The following SETD5 variants were observed in gnomAD, a reference collection of about 807,000 sequenced individuals.
The protein encoded by SETD5 is histone-lysine N-methyltransferase SETD5.
In SETD5, 44 loss-of-function variants were observed where a neutral mutation model predicts 153.3. The ratio of observed to expected loss-of-function variants is 0.29; its 90% confidence interval spans 0.23 to 0.37. SETD5 has a LOEUF of 0.37. Ranked by LOEUF, SETD5 falls within the 10% of genes least tolerant of loss-of-function variation. The pLI is 1.00. For missense variants in SETD5, 1,544 were observed against 1,768.0 expected, an observed-to-expected ratio of 0.87 and a Z score of 2.27; for synonymous variants, 716 against 645.2, an observed-to-expected ratio of 1.11 and a Z score of -1.66.
At chr3:9,450,692 T>G (rs554229662) in intron 16 of SETD5, among the ~76,000 whole-genome samples, 5 of 152,294 alleles carry the variant, frequency 3.3e-5, no homozygotes, top group African/African-American at 9.6e-5. Context: ...AGAGTATAAG[T>G]TAATCAGATA....
chr3:9,425,051 G>GTTTTTTTTTTTTTT (rs1559380190), intron 2 of SETD5, among the ~76,000 whole-genome samples: 60 of 91,392 alleles, frequency 6.6e-4, no homozygotes, highest in African/African-American at 3.0e-3. Flanking sequence ...TACCGACAAT[G>GTTTTTTTTTTTTTT]TTTCTTTTTT....
rs745472041 is a variant in SETD5, at chr3:9,476,572, G to T, written c.*481G>T. 4 of 154,938 alleles carry T rather than the reference G, an allele frequency of 2.6e-5. No individual in the cohort carries two copies. The highest frequency in any genetic ancestry group is 7.2e-5 in the African/African-American group (3 of 41,394). 9.6% of individuals were successfully genotyped at this position (154,938 alleles called of 1,614,324 possible). A position where few individuals can be genotyped will look rare whatever the true frequency, so the allele number is the denominator to read the frequency against. On this transcript the variant is annotated 3_prime_UTR_variant, in exon 23 of 23. Coordinates refer to ENST00000402198, the MANE Select transcript of SETD5 (RefSeq NM_001080517.3). ...TTTATGCACTTAAGAAAAAAGGTAGGTATGTAAATGTTCATCCTAAGACAA... is the reference window on the plus strand; with the variant it reads ...TTTATGCACTTAAGAAAAAAGGTAGTTATGTAAATGTTCATCCTAAGACAA...
intron 17 of SETD5, among the ~76,000 whole-genome samples, chr3:9,459,562 A>C (rs1464656728): frequency 6.6e-6 from 1 of 151,740 alleles, no homozygotes; most frequent in Non-Finnish European, 1.5e-5. Flanking sequence ...CGAGGTCAGG[A>C]GATCCAGACC....
At chr3:9,459,546 G>A (rs988764310) in intron 17 of SETD5, among the ~76,000 whole-genome samples, 7 of 151,320 alleles carry the variant, frequency 4.6e-5, no homozygotes, top group South Asian at 2.1e-4. Flanking sequence ...CGAGGCAGGC[G>A]GATCACGAGG....
chr3:9,461,735 T>G (rs918610701), intron 17 of SETD5, among the ~76,000 whole-genome samples: 1 of 152,200 alleles, frequency 6.6e-6, no homozygotes, highest in Admixed American at 6.5e-5. Context: ...GTGGCAGATT[T>G]CACCTGTATC....
rs773543082 is a variant in SETD5 at position 9,475,692 on chromosome 3, G to A, written c.3930G>A (p.Ser1310=). Residue 1310 remains serine (S), a synonymous_variant, in exon 23 of 23, where the codon TCG becomes TCA. Transcript: ENST00000402198. ...CCGCCCACCCTGTGTCCACAGACTC[G>A]TTGGCCCCATTTACGGGGACACCAG... ...SSPAHPVSTD[S]LAPFTGTPGY... is the part of the protein sequence containing the mutation. 6 of 1,613,812 alleles carry A rather than the reference G, an allele frequency of 3.7e-6. No individual in the cohort carries two copies. The highest frequency in any genetic ancestry group is 3.3e-5 in the South Asian group (3 of 91,070).
intron 1 of SETD5, among the ~76,000 whole-genome samples, chr3:9,415,789 C>T (rs1204778085): frequency 1.3e-5 from 2 of 151,880 alleles, no homozygotes; most frequent in African/African-American, 2.4e-5. Context: ...CCTCAAAACT[C>T]CTGGCCTCAA....
At chr3:9,415,008 G>C (rs2037198573) in intron 1 of SETD5, among the ~76,000 whole-genome samples, 1 of 152,144 alleles carries the variant, frequency 6.6e-6, no homozygotes, top group African/African-American at 2.4e-5. Context: ...GCTTCACTCT[G>C]TTTAGTGCTA....
intron 17 of SETD5, among the ~76,000 whole-genome samples, chr3:9,456,345 G>A (rs1454674155): frequency 3.9e-5 from 6 of 151,992 alleles, no homozygotes; most frequent in Admixed American, 2.6e-4. Context: ...GCCTGGTCAC[G>A]TACCTGTAAT....
In SETD5 at chr3:9,441,352, AT is replaced by A. The variant is rs375612987; in HGVS notation, c.811-225del. Among the ~76,000 whole-genome samples the A allele has an allele frequency of 0.031, 4,212 of 137,846 alleles. 65 individuals carry two copies. The highest frequency in any genetic ancestry group is 0.051 in the African/African-American group (1,919 of 37,742). 90.4% of individuals were successfully genotyped at this position (137,846 alleles called of 152,430 possible). A position where few individuals can be genotyped will look rare whatever the true frequency, so the allele number is the denominator to read the frequency against. Reference sequence around the variant, plus strand: ...AGAGTCACTGAAGTCTTAATCATGTATTTTTTTTTTTTTTTTAATATTTTCT... The same window carrying A: ...AGAGTCACTGAAGTCTTAATCATGTATTTTTTTTTTTTTTTAATATTTTCT... On this transcript the variant is annotated intron_variant, in intron 8 of 22. Transcript: ENST00000402198.
intron 1 of SETD5, among the ~76,000 whole-genome samples, chr3:9,412,387 G>GGTTTTT (rs2036703068): frequency 1.1e-5 from 1 of 89,536 alleles, no homozygotes; most frequent in Non-Finnish European, 2.3e-5. Flanking sequence ...ACAGTTTTGG[G>GGTTTTT]TTTTTTTTTT....
In SETD5 at chr3:9,425,391, A is replaced by G. The variant is rs1246225002; in HGVS notation, c.-117+865A>G. On this transcript the variant is annotated intron_variant, in intron 2 of 22. Transcript: ENST00000402198. ...CTTAATGTTTCTTAAGGATTCATCA[A>G]CTATCCAAAATAGCTGGGTTGGTGT... Among the ~76,000 whole-genome samples the G allele has an allele frequency of 4.6e-5, 7 of 152,062 alleles. No homozygotes were observed. In the East Asian group the frequency reaches 1.2e-3, roughly 25 times the overall value.
intron 17 of SETD5, among the ~76,000 whole-genome samples, chr3:9,455,097 T>TA (rs1417522816): frequency 6.6e-6 from 1 of 151,920 alleles, no homozygotes. Context: ...TTAAAGTTCT[T>TA]ACTTCATTTG....
At chr3:9,455,367 A>G (rs542521157) in intron 17 of SETD5, among the ~76,000 whole-genome samples, 8 of 151,342 alleles carry the variant, frequency 5.3e-5, no homozygotes, top group African/African-American at 1.7e-4. Context: ...CGGCTTCCCA[A>G]AGTGCTGGGA....
chr3:9,404,901 C>A (rs1267512730), intron 1 of SETD5, among the ~76,000 whole-genome samples: 1 of 152,218 alleles, frequency 6.6e-6, no homozygotes, highest in Non-Finnish European at 1.5e-5. Flanking sequence ...AGGTGAAACA[C>A]AAGCACTGTA....
At chr3:9,409,310 T>A (rs2125501227) in intron 1 of SETD5, among the ~76,000 whole-genome samples, 1 of 152,338 alleles carries the variant, frequency 6.6e-6, no homozygotes, top group South Asian at 2.1e-4. Flanking sequence ...GAAGGTAAGA[T>A]AAGCACTTGG....
chr3:9,413,730 G>C (rs748002004), intron 1 of SETD5, among the ~76,000 whole-genome samples: 2 of 151,426 alleles, frequency 1.3e-5, no homozygotes, highest in Admixed American at 1.3e-4. Context: ...TTCCAGCAAA[G>C]AGTATACAGC....
chr3:9,444,574 G>A (rs1345945286), intron 11 of SETD5, among the ~76,000 whole-genome samples: 1 of 151,966 alleles, frequency 6.6e-6, no homozygotes, highest in Non-Finnish European at 1.5e-5. Flanking sequence ...TAGAATTGGG[G>A]TTACACAAAG....
intron 19 of SETD5, among the ~76,000 whole-genome samples, chr3:9,472,279 A>G (rs1485623264): frequency 1.3e-5 from 2 of 152,232 alleles, no homozygotes; most frequent in African/African-American, 4.8e-5. Context: ...AAAGCCAGAT[A>G]AACTTGGCCT....
Sources: allele counts gnomAD v4.1 joint callset (sites outside exome capture counted in the v4.1 genomes callset), GRCh38; gene constraint gnomAD v4.1.1; transcripts MANE v1.5; gene names NCBI Gene and HGNC (gene_info 2026-07-23, HGNC 2026-07-21).